CAMK4: variants seen among roughly 807,000 people sequenced by gnomAD.
The protein encoded by CAMK4 is calcium/calmodulin dependent protein kinase IV, also known as calcium/calmodulin-dependent protein kinase type IV.
In CAMK4, 22 loss-of-function variants were observed where a neutral mutation model predicts 44.9. That is an observed-to-expected ratio of 0.49 (90% CI 0.35 to 0.70). The LOEUF (loss-of-function observed/expected upper bound fraction) is 0.70. CAMK4 is among the 30% of genes least tolerant of loss of function. The probability of loss-of-function intolerance (pLI) is 0.01; values close to 1 mark genes in which losing one functional copy is unlikely to be tolerated. For missense variants in CAMK4, 498 were observed against 586.8 expected (o/e 0.85, Z 1.56); for synonymous variants, 218 against 215.4 (o/e 1.01, Z -0.11).
At position 111,493,722 on chromosome 5, in the gene CAMK4, A is replaced by G. The variant is rs1057045649; in HGVS notation, c.*9256A>G. On this transcript the variant is annotated 3_prime_UTR_variant, in exon 11 of 11. Coordinates refer to ENST00000282356, the MANE Select transcript of CAMK4 (RefSeq NM_001744.6). The surrounding 1 kb of genome is among the most constrained non-coding windows in gnomAD (Gnocchi z 4.1). The stretch of plus-strand genomic sequence containing the variant: ...TGTTTTGTAAGTTCCTTTTGATATC[A>G]TTTATTGCAGGCAGTATTTTTACAT... 2.0e-5 allele frequency: 3 copies of G among 152,042 alleles called. No homozygotes were observed. In the South Asian group the frequency reaches 6.2e-4, roughly 31 times the overall value. 9.4% of individuals were successfully genotyped at this position (152,042 alleles called of 1,614,324 possible). A position where few individuals can be genotyped will look rare whatever the true frequency, so the allele number is the denominator to read the frequency against.
At chr5:111,446,319 T>A (rs1754027395) in intron 5 of CAMK4, among the ~76,000 whole-genome samples, 1 of 152,222 alleles carries the variant, frequency 6.6e-6, no homozygotes, top group Non-Finnish European at 1.5e-5. Flanking sequence ...CCAATTACGC[T>A]TTTTAGATAA....
intron 4 of CAMK4, among the ~76,000 whole-genome samples, chr5:111,386,609 T>A (rs1037889847): frequency 6.6e-6 from 1 of 152,216 alleles, no homozygotes; most frequent in Non-Finnish European, 1.5e-5. Context: ...ACCAGAGTCA[T>A]ATGTTACAGC....
chr5:111,291,951 T>C (rs1028047080), intron 1 of CAMK4, among the ~76,000 whole-genome samples: 3 of 152,240 alleles, frequency 2.0e-5, no homozygotes, highest in Non-Finnish European at 2.9e-5. Flanking sequence ...TGTCTAGACA[T>C]TCCATAAAAC....
intron 1 of CAMK4, among the ~76,000 whole-genome samples, chr5:111,243,664 T>A (rs1749105662): frequency 6.6e-6 from 1 of 152,186 alleles, no homozygotes; most frequent in Non-Finnish European, 1.5e-5. Context: ...TTTTTGTCTG[T>A]TTGTTTTTGC....
intron 1 of CAMK4, among the ~76,000 whole-genome samples, chr5:111,228,846 C>T (rs1334359283): frequency 6.6e-6 from 1 of 152,124 alleles, no homozygotes; most frequent in Non-Finnish European, 1.5e-5. Flanking sequence ...GAAAAAGGCT[C>T]CTATCTTTGC....
At chr5:111,288,369 C>T (rs1168337332) in intron 1 of CAMK4, among the ~76,000 whole-genome samples, 1 of 152,108 alleles carries the variant, frequency 6.6e-6, no homozygotes, top group Non-Finnish European at 1.5e-5. Flanking sequence ...ATTTTTGCTT[C>T]ATTAGATAAA....
intron 2 of CAMK4, among the ~76,000 whole-genome samples, chr5:111,358,331 T>C (rs1424087478): frequency 6.6e-6 from 1 of 152,076 alleles, no homozygotes; most frequent in African/African-American, 2.4e-5. Flanking sequence ...CTCTTTGTCT[T>C]AGTGGTAGGT....
chr5:111,262,807 A>C (rs1750047750), intron 1 of CAMK4, among the ~76,000 whole-genome samples: 1 of 152,248 alleles, frequency 6.6e-6, no homozygotes, highest in South Asian at 2.1e-4. Context: ...CCTTTTGAAC[A>C]AAAACGGAAA....
intron 1 of CAMK4, among the ~76,000 whole-genome samples, chr5:111,277,253 A>C (rs374346309): frequency 1.6e-3 from 237 of 152,288 alleles, no homozygotes; most frequent in African/African-American, 5.5e-3. Context: ...CAGGCTTTCA[A>C]CCACTTACAC....
intron 2 of CAMK4, among the ~76,000 whole-genome samples, chr5:111,357,092 G>A (rs544106024): frequency 2.0e-5 from 3 of 151,928 alleles, no homozygotes; most frequent in Non-Finnish European, 4.4e-5. Context: ...TATAAGCATT[G>A]GGCAATTGGA....
chr5:111,293,665 T>C (rs1747367622), intron 1 of CAMK4, among the ~76,000 whole-genome samples: 1 of 151,010 alleles, frequency 6.6e-6, no homozygotes, highest in Non-Finnish European at 1.5e-5. Context: ...GACCTTGTGA[T>C]CCACCCGCCT....
chr5:111,342,896 A>G (rs1436104647), intron 1 of CAMK4, among the ~76,000 whole-genome samples: 2 of 151,532 alleles, frequency 1.3e-5, no homozygotes, highest in East Asian at 3.9e-4. Flanking sequence ...TCCTTCCATC[A>G]TTTGTGCTGT....
intron 5 of CAMK4, among the ~76,000 whole-genome samples, chr5:111,432,646 AT>A (rs1375770509): frequency 7.5e-6 from 1 of 132,622 alleles, no homozygotes; most frequent in Non-Finnish European, 1.6e-5. Context: ...ACATATATAT[AT>A]GTATATATGT....
chr5:111,399,174 A>G (rs894815513), intron 5 of CAMK4, among the ~76,000 whole-genome samples: 7 of 152,048 alleles, frequency 4.6e-5, no homozygotes, highest in Admixed American at 3.9e-4. Context: ...TGACTACACT[A>G]CACTTGAGCT....
intron 7 of CAMK4, among the ~76,000 whole-genome samples, chr5:111,471,888 C>CTTAT (rs71626645): frequency 0.23 from 34,403 of 150,214 alleles, 4,727 homozygotes; most frequent in Non-Finnish European, 0.31. Context: ...CCAGAGCTCA[C>CTTAT]TTATTTATTT....
intron 1 of CAMK4, among the ~76,000 whole-genome samples, chr5:111,258,596 A>G (rs983538410): frequency 6.6e-6 from 1 of 152,162 alleles, no homozygotes; most frequent in African/African-American, 2.4e-5. Flanking sequence ...AGCACAGGAA[A>G]GACCAGCCCC....
Position 111,446,781 on chromosome 5 carries a change from G to A in CAMK4, c.550+5G>A. The A allele has an allele frequency of 1.3e-6, 2 of 1,577,080 alleles. No homozygotes were observed. The highest frequency in any genetic ancestry group is 8.7e-7 in the Non-Finnish European group (1 of 1,146,678). The stretch of plus-strand genomic sequence containing the variant: ...CAGATGCACCACTCAAAATCGGTGA[G>A]AACATTTCTTCTTGTTTTGTGACCC... On this transcript the variant is annotated splice_donor_5th_base_variant and intron_variant, in intron 6 of 10. Coordinates refer to ENST00000282356, the MANE Select transcript of CAMK4 (RefSeq NM_001744.6).
intron 2 of CAMK4, among the ~76,000 whole-genome samples, chr5:111,372,497 T>C (rs1751047568): frequency 6.6e-6 from 1 of 152,138 alleles, no homozygotes; most frequent in Admixed American, 6.6e-5. Context: ...CCATGTTTCA[T>C]GCCGTTTGGA....
intron 1 of CAMK4, among the ~76,000 whole-genome samples, chr5:111,331,182 A>T (rs950531961): frequency 4.6e-5 from 7 of 151,682 alleles, no homozygotes; most frequent in Non-Finnish European, 1.0e-4. Context: ...CAAACTATTG[A>T]CTGGGAGAAT....
Sources: allele counts gnomAD v4.1 joint callset (sites outside exome capture counted in the v4.1 genomes callset), GRCh38; gene constraint gnomAD v4.1.1; non-coding constraint Gnocchi (gnomAD v3.1); transcripts MANE v1.5; gene names NCBI Gene and HGNC (gene_info 2026-07-23, HGNC 2026-07-21).